NTRK2: variants seen among roughly 807,000 people sequenced by gnomAD.
NTRK2 encodes the protein BDNF/NT-3 growth factors receptor.
In NTRK2, 13 loss-of-function variants were observed where a neutral mutation model predicts 94.5. That is an observed-to-expected ratio of 0.14 (90% CI 0.09 to 0.22). NTRK2 has a LOEUF of 0.22. Ranked by LOEUF, NTRK2 falls within the 10% of genes least tolerant of loss-of-function variation. The pLI, the probability that NTRK2 is intolerant of heterozygous loss-of-function variation, is 1.00. For missense variants in NTRK2, 639 were observed against 1,071.2 expected (o/e 0.60, Z 5.63); for synonymous variants, 372 against 407.4 (o/e 0.91, Z 1.05).
chr9:84,683,281 G>A (rs180902750), intron 2 of NTRK2, among the ~76,000 whole-genome samples: 1 of 152,030 alleles, frequency 6.6e-6, no homozygotes, highest in Non-Finnish European at 1.5e-5. Context: ...CTATCAACCT[G>A]TCATCTAGGC....
intron 17 of NTRK2, among the ~76,000 whole-genome samples, chr9:84,987,890 C>T (rs1828526037): frequency 1.3e-5 from 2 of 152,112 alleles, no homozygotes; most frequent in South Asian, 4.1e-4. Flanking sequence ...ATATATTTGC[C>T]TGTTCTTCAA....
At chr9:84,998,240 G>T (rs1829978631) in intron 17 of NTRK2, among the ~76,000 whole-genome samples, 1 of 152,142 alleles carries the variant, frequency 6.6e-6, no homozygotes, top group South Asian at 2.1e-4. Context: ...ATACCAAAGA[G>T]TGGCTAGTGT....
At position 84,771,888 on chromosome 9, in the gene NTRK2, T is replaced by A. The variant is rs528000610; in HGVS notation, c.1396+19803T>A. On this transcript the variant is annotated intron_variant, in intron 12 of 18. Transcript: ENST00000277120. Reference sequence around the variant, plus strand: ...CCACTTCGGGGTATCGTTTGAGAGGTCAGCATTGTAATGGTAAATCTGAAA... The same window carrying A: ...CCACTTCGGGGTATCGTTTGAGAGGACAGCATTGTAATGGTAAATCTGAAA... 2.0e-4 allele frequency among the ~76,000 whole-genome samples: 31 copies of A among 152,284 alleles called. No individual in the cohort carries two copies. In the South Asian group the frequency reaches 6.4e-3, roughly 32 times the overall value.
Position 84,724,042 on chromosome 9 carries a change from T to C in NTRK2, c.721-182T>C, listed in dbSNP as rs539834473. ...CAAGTCAACCTCATGCACTTAGCAATTGAAACCTAGAGAAATAGAATAACT... is the reference window on the plus strand; with the variant it reads ...CAAGTCAACCTCATGCACTTAGCAACTGAAACCTAGAGAAATAGAATAACT... On this transcript the variant is annotated intron_variant, in intron 7 of 18. Coordinates refer to ENST00000277120, the MANE Select transcript of NTRK2 (RefSeq NM_006180.6). 5.9e-5 allele frequency among the ~76,000 whole-genome samples: 9 copies of C among 152,302 alleles called. No individual in the cohort carries two copies. In the South Asian group the frequency reaches 1.9e-3, roughly 32 times the overall value.
intron 11 of NTRK2, among the ~76,000 whole-genome samples, chr9:84,747,788 G>A (rs1013354001): frequency 6.6e-6 from 1 of 151,966 alleles, no homozygotes; most frequent in African/African-American, 2.4e-5. Context: ...GCCTTCTGGG[G>A]TTTTTAAAAT....
At chr9:84,977,192 G>A (rs7858707) in intron 17 of NTRK2, among the ~76,000 whole-genome samples, 109,368 of 152,118 alleles carry the variant, frequency 0.72, 39,827 homozygotes, top group African/African-American at 0.79. Context: ...TATTTAGTAT[G>A]TATTGTTGAT....
intron 17 of NTRK2, among the ~76,000 whole-genome samples, chr9:85,003,274 G>T (rs1830524116): frequency 6.6e-6 from 1 of 152,172 alleles, no homozygotes; most frequent in Non-Finnish European, 1.5e-5. Context: ...AGGAGAAAAA[G>T]TGTGGAGGGT....
intron 17 of NTRK2, among the ~76,000 whole-genome samples, chr9:85,009,900 A>C (rs961267776): frequency 2.0e-5 from 3 of 152,226 alleles, no homozygotes; most frequent in Non-Finnish European, 4.4e-5. Flanking sequence ...AGCAGAATGA[A>C]CTTCCCCAGC....
intron 12 of NTRK2, among the ~76,000 whole-genome samples, chr9:84,799,935 A>G (rs974345416): frequency 2.6e-5 from 4 of 152,184 alleles, no homozygotes; most frequent in African/African-American, 9.7e-5. Flanking sequence ...TTAAGTTTAT[A>G]ATTATATAGT....
chr9:84,840,861 C>G (rs995473590), intron 12 of NTRK2, among the ~76,000 whole-genome samples: 4 of 152,130 alleles, frequency 2.6e-5, no homozygotes, highest in Admixed American at 6.6e-5. Context: ...ATTGCTAAGT[C>G]CCATAGCCCC....
intron 2 of NTRK2, among the ~76,000 whole-genome samples, chr9:84,700,538 A>G (rs1169378559): frequency 1.3e-5 from 2 of 152,122 alleles, no homozygotes; most frequent in Non-Finnish European, 2.9e-5. Context: ...ACAGGGGACA[A>G]TGTTTGTGTG....
chr9:84,890,111 T>A (rs1379458517), intron 14 of NTRK2, among the ~76,000 whole-genome samples: 2 of 152,226 alleles, frequency 1.3e-5, no homozygotes, highest in Non-Finnish European at 2.9e-5. Flanking sequence ...GGATTTCCAA[T>A]ACACATACAT....
Position 84,762,835 on chromosome 9 carries a change from C to T in NTRK2, c.1396+10750C>T, listed in dbSNP as rs2065704587. Among the ~76,000 whole-genome samples the T allele has an allele frequency of 3.3e-5, 5 of 152,198 alleles. No individual in the cohort carries two copies. In the South Asian group the frequency reaches 6.2e-4, roughly 19 times the overall value. ...TTTCTCTGTCACTTCAGGTCTCTCACTTTCCTCTCCCTTACTCAGGTTGCA... is the reference window on the plus strand; with the variant it reads ...TTTCTCTGTCACTTCAGGTCTCTCATTTTCCTCTCCCTTACTCAGGTTGCA... On this transcript the variant is annotated intron_variant, in intron 12 of 18. Coordinates refer to ENST00000277120, the MANE Select transcript of NTRK2 (RefSeq NM_006180.6).
chr9:84,795,003 G>A (rs1564290883), intron 12 of NTRK2, among the ~76,000 whole-genome samples: 1 of 151,980 alleles, frequency 6.6e-6, no homozygotes, highest in Non-Finnish European at 1.5e-5. Flanking sequence ...TTCCCCCTGT[G>A]CCCTCCACCC....
chr9:84,713,241 T>C (rs962659245), intron 6 of NTRK2, among the ~76,000 whole-genome samples: 6 of 152,162 alleles, frequency 3.9e-5, no homozygotes, highest in African/African-American at 1.4e-4. Context: ...TCTGTAGGGT[T>C]TTTCTGTTTC....
At chr9:84,754,887 C>T (rs987787554) in intron 12 of NTRK2, among the ~76,000 whole-genome samples, 13 of 152,220 alleles carry the variant, frequency 8.5e-5, no homozygotes, top group East Asian at 1.9e-4. Flanking sequence ...TGGTTTATTT[C>T]GAGTGTTGAC....
At chr9:84,884,103 C>T (rs937734316) in intron 14 of NTRK2, among the ~76,000 whole-genome samples, 2 of 152,210 alleles carry the variant, frequency 1.3e-5, no homozygotes. Context: ...ATTGAATCAC[C>T]GTGTTTCAAT....
chr9:84,949,595 G>A (rs537869999), intron 16 of NTRK2, among the ~76,000 whole-genome samples: 16 of 152,268 alleles, frequency 1.1e-4, no homozygotes, highest in Admixed American at 1.3e-4. Flanking sequence ...AACCTCCCAC[G>A]TAGCTGGGAT....
chr9:84,984,838 CTATT>C (rs1475291106), intron 17 of NTRK2, among the ~76,000 whole-genome samples: 1 of 152,238 alleles, frequency 6.6e-6, no homozygotes, highest in Non-Finnish European at 1.5e-5. Context: ...CTCCACATCT[CTATT>C]TCATATTTTT....
Sources: allele counts gnomAD v4.1 joint callset (sites outside exome capture counted in the v4.1 genomes callset), GRCh38; gene constraint gnomAD v4.1.1; transcripts MANE v1.5; gene names NCBI Gene and HGNC (gene_info 2026-07-23, HGNC 2026-07-21).